The following TMTC2 variants were observed in gnomAD, a reference collection of about 807,000 sequenced individuals.
TMTC2 encodes the protein transmembrane O-mannosyltransferase targeting cadherins 2, also known as protein O-mannosyl-transferase TMTC2.
TMTC2 carries 43 observed loss-of-function variants against 82.4 expected under a neutral mutation model. The observed-to-expected ratio is 0.52, with a 90% CI of 0.41 to 0.67. The LOEUF is 0.67. Ranked by LOEUF, TMTC2 falls within the 30% of genes least tolerant of loss-of-function variation. TMTC2 has a pLI of 0.00. For missense variants in TMTC2, 919 were observed against 1,012.4 expected (o/e 0.91, Z 1.25); for synonymous variants, 408 against 381.9 (o/e 1.07, Z -0.80).
chr12:82,870,751 T>G (rs1872132809), intron 2 of TMTC2, among the ~76,000 whole-genome samples: 1 of 152,222 alleles, frequency 6.6e-6, no homozygotes, highest in Admixed American at 6.5e-5. Flanking sequence ...ATACTTGAAT[T>G]GCTGGCAACC....
intron 7 of TMTC2, among the ~76,000 whole-genome samples, chr12:82,983,010 C>T (rs1878993905): frequency 6.6e-6 from 1 of 151,950 alleles, no homozygotes; most frequent in Non-Finnish European, 1.5e-5. Context: ...AAAACTGTTT[C>T]ATCTTGCAAA....
Position 82,863,158 on chromosome 12 carries a change from A to AC in TMTC2, c.654+5587dup, listed in dbSNP as rs373883668. Reference sequence around the variant, plus strand: ...AGGTTGTGGTTTTGCCTAAGTTGTGACCCCCCCCCAATATCAATTGCATTG... The same window carrying AC: ...AGGTTGTGGTTTTGCCTAAGTTGTGACCCCCCCCCCAATATCAATTGCATTG... On this transcript the variant is annotated intron_variant, in intron 2 of 11. Coordinates refer to ENST00000321196, the MANE Select transcript of TMTC2 (RefSeq NM_152588.3). Among the ~76,000 whole-genome samples the AC allele has an allele frequency of 5.9e-3, 859 of 145,242 alleles. 2 individuals are homozygous for AC. The highest frequency in any genetic ancestry group is 0.018 in the Middle Eastern group (5 of 280).
At chr12:82,965,180 C>G (rs1878136290) in intron 5 of TMTC2, 71 bp downstream of exon 5, 2 of 1,175,470 alleles carry the variant, frequency 1.7e-6, no homozygotes, top group East Asian at 4.7e-5. Context: ...AATTTACAGC[C>G]TCACTGAGAA....
intron 7 of TMTC2, among the ~76,000 whole-genome samples, chr12:82,975,446 C>G (rs919405906): frequency 6.6e-6 from 1 of 152,060 alleles, no homozygotes; most frequent in Non-Finnish European, 1.5e-5. Flanking sequence ...TCAAATTAAA[C>G]AAAGAATGAA....
chr12:82,811,905 C>G (rs916816096), intron 1 of TMTC2, among the ~76,000 whole-genome samples: 3 of 149,312 alleles, frequency 2.0e-5, no homozygotes, highest in Non-Finnish European at 4.4e-5. Context: ...GCAACCTCAC[C>G]TCCTGGGTTC....
At chr12:82,963,932 A>G (rs1009961243) in intron 4 of TMTC2, among the ~76,000 whole-genome samples, 3 of 148,710 alleles carry the variant, frequency 2.0e-5, no homozygotes, top group African/African-American at 4.9e-5. Context: ...AGTTTTTAAT[A>G]TATGCTTTTG....
At chr12:83,072,822 T>G (rs1214942629) in intron 11 of TMTC2, among the ~76,000 whole-genome samples, 4 of 152,200 alleles carry the variant, frequency 2.6e-5, no homozygotes, top group Non-Finnish European at 4.4e-5. Context: ...TTGCTACCCC[T>G]GCTCATTTTT....
intron 11 of TMTC2, among the ~76,000 whole-genome samples, chr12:83,130,099 C>T (rs1885218065): frequency 1.3e-5 from 2 of 152,192 alleles, no homozygotes; most frequent in Non-Finnish European, 2.9e-5. Context: ...TGGTCTCCAA[C>T]AGTGGTTCTC....
At chr12:83,059,971 A>G (rs1313741365) in intron 10 of TMTC2, among the ~76,000 whole-genome samples, 1 of 151,720 alleles carries the variant, frequency 6.6e-6, no homozygotes, top group Non-Finnish European at 1.5e-5. Context: ...TTTCCAGGGC[A>G]TGACCTAATG....
chr12:82,969,788 C>T (rs1459341556), intron 7 of TMTC2, among the ~76,000 whole-genome samples: 5 of 152,038 alleles, frequency 3.3e-5, no homozygotes, highest in African/African-American at 1.2e-4. Flanking sequence ...TCTCATTTAT[C>T]CTCTTCAATT....
intron 11 of TMTC2, among the ~76,000 whole-genome samples, chr12:83,073,484 C>T (rs1883186501): frequency 6.6e-6 from 1 of 152,126 alleles, no homozygotes; most frequent in South Asian, 2.1e-4. Context: ...AATGAATTTT[C>T]CAGGTGTTCT....
chr12:83,026,287 A>G (rs912651327), intron 8 of TMTC2, among the ~76,000 whole-genome samples: 1 of 152,186 alleles, frequency 6.6e-6, no homozygotes, highest in Admixed American at 6.6e-5. Flanking sequence ...TAGTACCCCT[A>G]TGGCTCAAGA....
chr12:83,058,306 C>A (rs1225883474), intron 10 of TMTC2, among the ~76,000 whole-genome samples: 1 of 151,738 alleles, frequency 6.6e-6, no homozygotes, highest in African/African-American at 2.4e-5. Context: ...AAAAACAAAA[C>A]CAACCAACAA....
intron 11 of TMTC2, among the ~76,000 whole-genome samples, chr12:83,071,339 A>T (rs1883107703): frequency 6.6e-6 from 1 of 151,296 alleles, no homozygotes; most frequent in African/African-American, 2.4e-5. Flanking sequence ...TGTATTTTTT[A>T]GTGGAGACGG....
chr12:83,120,422 G>A (rs1884912285), intron 11 of TMTC2, among the ~76,000 whole-genome samples: 1 of 152,096 alleles, frequency 6.6e-6, no homozygotes, highest in African/African-American at 2.4e-5. Flanking sequence ...TCTTAGTTTT[G>A]CTAGATACAA....
intron 2 of TMTC2, among the ~76,000 whole-genome samples, chr12:82,866,409 C>G (rs1211479440): frequency 3.3e-5 from 5 of 152,100 alleles, no homozygotes; most frequent in African/African-American, 1.2e-4. Context: ...TTTAAAGGGT[C>G]CTTTTTACAG....
At chr12:83,006,116 G>A (rs1330697998) in intron 8 of TMTC2, among the ~76,000 whole-genome samples, 1 of 152,156 alleles carries the variant, frequency 6.6e-6, no homozygotes, top group Non-Finnish European at 1.5e-5. Flanking sequence ...CATGGTAAGT[G>A]TGGGTTTCTC....
intron 1 of TMTC2, among the ~76,000 whole-genome samples, chr12:82,807,960 G>T (rs1879317190): frequency 6.6e-6 from 1 of 151,828 alleles, no homozygotes; most frequent in Non-Finnish European, 1.5e-5. Flanking sequence ...CTTATAATGG[G>T]CTTTAAAAAT....
chr12:82,819,901 C>T (rs993674264), intron 1 of TMTC2, among the ~76,000 whole-genome samples: 1 of 152,096 alleles, frequency 6.6e-6, no homozygotes, highest in Non-Finnish European at 1.5e-5. Flanking sequence ...AGGAGTTTGA[C>T]TCACACAATC....
Sources: allele counts gnomAD v4.1 joint callset (sites outside exome capture counted in the v4.1 genomes callset), GRCh38; gene constraint gnomAD v4.1.1; transcripts MANE v1.5; gene names NCBI Gene and HGNC (gene_info 2026-07-23, HGNC 2026-07-21).